The following TNRC18 variants were observed in gnomAD, a reference collection of about 807,000 sequenced individuals.
TNRC18 encodes trinucleotide repeat containing 18.
TNRC18 carries 69 observed loss-of-function variants against 226.7 expected under a neutral mutation model. That is an observed-to-expected ratio of 0.30 (90% CI 0.25 to 0.37). TNRC18 has a LOEUF of 0.37. Among genes scored for constraint, TNRC18 ranks in the 10% least tolerant of loss-of-function variants. TNRC18 has a pLI of 1.00. For synonymous variants in TNRC18, 2,449 were observed against 1,927.6 expected, an observed-to-expected ratio of 1.27 and a Z score of -7.09; for missense variants, 4,754 against 4,256.6, an observed-to-expected ratio of 1.12 and a Z score of -3.25.
Position 5,419,251 on chromosome 7 carries a change from T to C in TNRC18, c.187+1809A>G, listed in dbSNP as rs568216896. On this transcript the variant is annotated intron_variant, in intron 2 of 29. Transcript: ENST00000430969. Reference sequence around the variant, plus strand: ...GCACTGTGCATGCATGCATGAGTAGTAGCTTGTTTTCACCGCTTCGCATTA... The same window carrying C: ...GCACTGTGCATGCATGCATGAGTAGCAGCTTGTTTTCACCGCTTCGCATTA... Among the ~76,000 whole-genome samples the C allele has an allele frequency of 2.0e-5, 3 of 152,362 alleles. 1 individual carries two copies. The East Asian group carries it at 5.8e-4, about 29-fold the overall frequency.
At chr7:5,415,365 CCCT>C (rs1344259793) in intron 2 of TNRC18, among the ~76,000 whole-genome samples, 24 of 144,116 alleles carry the variant, frequency 1.7e-4, no homozygotes, top group Non-Finnish European at 2.5e-4. Context: ...TGGTCTGTGT[CCCT>C]CTTTTTTTTT....
At chr7:5,386,107 T>C (rs897248386) in intron 5 of TNRC18, among the ~76,000 whole-genome samples, 2 of 146,562 alleles carry the variant, frequency 1.4e-5, no homozygotes. Context: ...GCCAATATGG[T>C]GAAACCCTGT....
At chr7:5,314,911 T>C in intron 26 of TNRC18, 73 bp downstream of exon 26, 1 of 1,472,020 alleles carries the variant, frequency 6.8e-7, no homozygotes, top group South Asian at 1.3e-5. Flanking sequence ...CTTCGGCAGG[T>C]TCCCAAGCCC....
chr7:5,356,833 G>GT (rs988672375), intron 16 of TNRC18, 83 bp downstream of exon 16: 1 of 1,437,914 alleles, frequency 7.0e-7, no homozygotes, highest in African/African-American at 1.4e-5. Context: ...TGAGGGGCGG[G>GT]GGGGGAAGGA....
chr7:5,345,524 C>G, intron 18 of TNRC18, 38 bp downstream of exon 18: 2 of 182,374 alleles, frequency 1.1e-5, no homozygotes, highest in Non-Finnish European at 2.3e-5. Flanking sequence ...TCCGCCCCTC[C>G]CACCCACCCC....
In TNRC18 at chr7:5,324,183, G is replaced by A. The variant is rs1336258398; in HGVS notation, c.6442+31C>T. ...CCCCAAGGGAGGCTCCAGCAGCCCC[G>A]CCCGGCACATGTGGCATCACGGCCA... On this transcript the variant is annotated intron_variant, in intron 21 of 29. Coordinates refer to ENST00000430969, the MANE Select transcript of TNRC18 (RefSeq NM_001080495.3). This position sits in a 1 kb window ranked among gnomAD's most constrained non-coding sequence, Gnocchi z 4.8. 90 of 1,564,702 alleles carry A rather than the reference G, an allele frequency of 5.8e-5. 2 individuals carry two copies. The East Asian group carries it at 1.3e-3, about 23-fold the overall frequency.
chr7:5,370,588 C>T lies in TNRC18; in HGVS notation c.4006G>A (p.Glu1336Lys), dbSNP rs1209190504. ...GCGTTCATGCCAGCCAGTGGGTCCT[C>T]CAGACTGGGCAGGAACTGGTCAGAG... is the stretch of plus-strand genomic sequence containing the variant. ...ASSDQFLPSL[E>K]DPLAGMNALA... is the part of the protein sequence containing the mutation. The change falls in exon 11 of 30, where the codon GAG becomes AAG. Residue 1336 changes from glutamate (E) to lysine (K), a missense_variant. Glu to Lys is a moderately conservative substitution (Grantham distance 56). Coordinates refer to ENST00000430969, the MANE Select transcript of TNRC18 (RefSeq NM_001080495.3). 2.5e-6 allele frequency: 4 copies of T among 1,613,164 alleles called. No homozygotes were observed. The highest frequency in any genetic ancestry group is 3.3e-5 in the Admixed American group (2 of 59,932).
At chr7:5,400,999 G>A (rs947426114) in intron 2 of TNRC18, among the ~76,000 whole-genome samples, 7 of 152,054 alleles carry the variant, frequency 4.6e-5, no homozygotes, top group African/African-American at 1.2e-4. Context: ...CTGAGATTTC[G>A]TGCAGCCTGG....
intron 19 of TNRC18, among the ~76,000 whole-genome samples, chr7:5,330,871 C>T (rs1036836371): frequency 2.0e-5 from 3 of 152,044 alleles, no homozygotes; most frequent in Non-Finnish European, 2.9e-5. Context: ...GACAGGATTT[C>T]GTCATGTTGG....
intron 18 of TNRC18, among the ~76,000 whole-genome samples, chr7:5,342,389 G>A (rs6967017): frequency 0.037 from 5,636 of 150,648 alleles, 198 homozygotes; most frequent in African/African-American, 0.083. Context: ...AGATCGCACC[G>A]CTGCATTCCA....
rs571046897 is a variant in TNRC18 at position 5,373,963 on chromosome 7, C to T, written c.3229+92G>A. On this transcript the variant is annotated intron_variant, in intron 10 of 29. Coordinates refer to ENST00000430969, the MANE Select transcript of TNRC18 (RefSeq NM_001080495.3). ...AGGTGCTCCGTGGAGGTGGAATGAA[C>T]GAACGATCGAACGGGTCAATGAAAA... 140 of 1,059,582 alleles carry T rather than the reference C, an allele frequency of 1.3e-4. No individual in the cohort carries two copies. The African/African-American group carries it at 1.8e-3, about 14-fold the overall frequency. 65.6% of individuals were successfully genotyped at this position (1,059,582 alleles called of 1,614,324 possible).
Position 5,332,753 on chromosome 7 carries a change from C to A in TNRC18, c.6016G>T (p.Asp2006Tyr). The A allele has an allele frequency of 2.0e-6, 3 of 1,520,358 alleles. No homozygotes were observed. Among genetic ancestry groups the A allele is most frequent in the Non-Finnish European group, 1.8e-6 (2 of 1,139,882 alleles). The allele number at this position is 1,520,358 out of a possible 1,614,324, so 94.2% of individuals were successfully genotyped here. ...RRRSERIFLHDASAAAPAPVS... is the reference protein window; with the variant it reads ...RRRSERIFLHYASAAAPAPVS... ...GGCGCAGGTGCAGCAGCCGAGGCGTCGTGCAGGAAGATGCGCTCGCTGCGG... is the reference window on the plus strand; with the variant it reads ...GGCGCAGGTGCAGCAGCCGAGGCGTAGTGCAGGAAGATGCGCTCGCTGCGG... Residue 2006 changes from aspartate (D) to tyrosine (Y), a missense_variant, in exon 19 of 30, where the codon GAC (aspartate) becomes TAC (tyrosine). By Grantham distance (160) the Asp-to-Tyr change is radical. Transcript: ENST00000430969.
Position 5,403,165 on chromosome 7 carries a change from C to CTT in TNRC18, c.188-8572_188-8571dup, listed in dbSNP as rs567575917. 2.0e-3 allele frequency among the ~76,000 whole-genome samples: 286 copies of CTT among 145,298 alleles called. 2 individuals are homozygous for CTT. Among genetic ancestry groups the CTT allele is most frequent in the African/African-American group, 6.7e-3 (264 of 39,348 alleles). ...CCAAACACATTACATTTTATCTTCA[C>CTT]TTTTTTTTTTTTTTGAGACAGAGTT... On this transcript the variant is annotated intron_variant, in intron 2 of 29. Coordinates refer to ENST00000430969, the MANE Select transcript of TNRC18 (RefSeq NM_001080495.3).
chr7:5,374,638 C>T (rs1794475366), intron 9 of TNRC18, among the ~76,000 whole-genome samples, 154 bp from the exon 10 acceptor site: 1 of 152,224 alleles, frequency 6.6e-6, no homozygotes, highest in South Asian at 2.1e-4. Context: ...AGGCCAGAGA[C>T]AGACATTCCA....
chr7:5,377,340 G>A lies in TNRC18; in HGVS notation c.2461+31C>T. 4.8e-6 allele frequency: 5 copies of A among 1,043,680 alleles called. No homozygotes were observed. The highest frequency in any genetic ancestry group is 1.6e-5 in the African/African-American group (1 of 62,316). 64.7% of individuals were successfully genotyped at this position (1,043,680 alleles called of 1,614,324 possible). On this transcript the variant is annotated intron_variant, in intron 7 of 29. Transcript: ENST00000430969. The surrounding 1 kb of genome is among the most constrained non-coding windows in gnomAD (Gnocchi z 5.8). ...CGCCCCCTCCCACCCCTCCCTCAGAGAAGGGGAGAGACCCTGTGCCCCACA... is the reference window on the plus strand; with the variant it reads ...CGCCCCCTCCCACCCCTCCCTCAGAAAAGGGGAGAGACCCTGTGCCCCACA...
chr7:5,329,899 C>T (rs1412826450), intron 19 of TNRC18: 1 of 470,576 alleles, frequency 2.1e-6, no homozygotes, highest in Non-Finnish European at 4.4e-6. Context: ...CAGCTGAATA[C>T]CCAGCTATTA....
chr7:5,345,422 C>A lies in TNRC18; in HGVS notation c.5719+140G>T, dbSNP rs1791072977. 1.3e-5 allele frequency: 11 copies of A among 831,056 alleles called. 1 individual carries two copies. The South Asian group carries it at 1.6e-4, about 12-fold the overall frequency. The allele number at this position is 831,056 out of a possible 1,614,324, so 51.5% of individuals were successfully genotyped here. A position where few individuals can be genotyped will look rare whatever the true frequency, so the allele number is the denominator to read the frequency against. ...GCGAGCATCCCTGATCAGCACGGGG[C>A]TGGCCCACGAGGCTGGGGTTCTGCC... On this transcript the variant is annotated intron_variant, in intron 18 of 29. Coordinates refer to ENST00000430969, the MANE Select transcript of TNRC18 (RefSeq NM_001080495.3).
intron 19 of TNRC18, among the ~76,000 whole-genome samples, chr7:5,331,849 G>T (rs765453458): frequency 4.6e-5 from 7 of 152,210 alleles, no homozygotes; most frequent in Non-Finnish European, 7.3e-5. Flanking sequence ...GTTCAAGGTT[G>T]CAGTGAGCCA....
At position 5,312,459 on chromosome 7, in the gene TNRC18, A is replaced by G; in HGVS notation, c.8388+44T>C. 1 of 1,593,764 alleles carries G rather than the reference A, an allele frequency of 6.3e-7. No individual in the cohort carries two copies. Among genetic ancestry groups the G allele is most frequent in the Non-Finnish European group, 8.5e-7 (1 of 1,173,090 alleles). On this transcript the variant is annotated intron_variant, in intron 27 of 29. Coordinates refer to ENST00000430969, the MANE Select transcript of TNRC18 (RefSeq NM_001080495.3). The surrounding 1 kb of genome is among the most constrained non-coding windows in gnomAD (Gnocchi z 6.3). ...GCCGTGGGCCCAGCAGAGAGACACA[A>G]GGCCCCCGGCCCCTCGGCCGTGCCC...
Sources: gnomAD v4.1 joint callset for allele counts (sites outside exome capture counted in the v4.1 genomes callset) on GRCh38, gnomAD v4.1.1 for gene constraint, Gnocchi (gnomAD v3.1) non-coding constraint, MANE v1.5 for transcripts, NCBI Gene and HGNC (gene_info 2026-07-23, HGNC 2026-07-21) for gene names.